TECPR2: variants seen among roughly 807,000 people sequenced by gnomAD.
TECPR2 encodes tectonin beta-propeller repeat-containing protein 2.
A neutral mutation model predicts 138.1 loss-of-function variants in TECPR2; 65 were observed. The ratio of observed to expected loss-of-function variants is 0.47; its 90% CI spans 0.39 to 0.58. The LOEUF (loss-of-function observed/expected upper bound fraction) is 0.58. TECPR2 is among the 20% of genes least tolerant of loss of function. The probability of loss-of-function intolerance (pLI) is 0.00; values close to 1 mark genes in which losing one functional copy is unlikely to be tolerated. For missense variants in TECPR2, 1,553 were observed against 1,824.5 expected (o/e 0.85, Z 2.71); for synonymous variants, 746 against 749.8 (o/e 0.99, Z 0.08).
chr14:102,394,753 A>G (rs142376148), intron 2 of TECPR2, among the ~76,000 whole-genome samples: 1 of 152,350 alleles, frequency 6.6e-6, no homozygotes, highest in African/African-American at 2.4e-5. Flanking sequence ...GGCACAGGAA[A>G]ACAAAGACAA....
chr14:102,440,561 G>A lies in TECPR2; in HGVS notation c.2704G>A (p.Asp902Asn). The A allele has an allele frequency of 2.5e-6, 4 of 1,614,180 alleles. No homozygotes were observed. Among genetic ancestry groups the A allele is most frequent in the Non-Finnish European group, 3.4e-6 (4 of 1,180,040 alleles). ...GGCAGTGTTTGTGGCCCTGAGCGAT[G>A]ACACGGCCTGGATCATCAGGACCAG... ...PQAVFVALSD[D>N]TAWIIRTSGD... is the part of the protein sequence containing the mutation. The change falls in exon 11 of 20, where the codon GAC (aspartate) becomes AAC (asparagine). Residue 902 changes from aspartate to asparagine, a missense_variant. Coordinates refer to ENST00000359520, the MANE Select transcript of TECPR2 (RefSeq NM_014844.5).
In TECPR2 at chr14:102,452,472, C is replaced by T. The variant is rs542801322; in HGVS notation, c.3485C>T (p.Thr1162Met). The T allele has an allele frequency of 5.0e-5, 80 of 1,613,596 alleles. No homozygotes were observed. The South Asian group carries it at 5.7e-4, about 12-fold the overall frequency. The change falls in exon 16 of 20, where the codon ACG becomes ATG. Residue 1162 changes from threonine (T) to methionine (M), a missense_variant. Coordinates refer to ENST00000359520, the MANE Select transcript of TECPR2 (RefSeq NM_014844.5). ...SAQSAQSRPS[T>M]VQLPPEAEMR... ...CAGAGCGCACAGTCGCGGCCCTCCA[C>T]GGTGCAGCTGCCTCCCGAAGCCGAG...
intron 2 of TECPR2, among the ~76,000 whole-genome samples, chr14:102,380,041 G>A (rs1021701349): frequency 1.4e-5 from 2 of 148,050 alleles, no homozygotes; most frequent in African/African-American, 5.1e-5. Flanking sequence ...AGGCGTCCTA[G>A]TCACACTGCT....
At chr14:102,467,848 T>C (rs1165015180) in intron 17 of TECPR2, among the ~76,000 whole-genome samples, 1 of 152,080 alleles carries the variant, frequency 6.6e-6, no homozygotes, top group African/African-American at 2.4e-5. Context: ...TTTTCTTTTT[T>C]TTTTTTATGA....
At chr14:102,399,519 C>T (rs2139683847) in intron 2 of TECPR2, among the ~76,000 whole-genome samples, 1 of 152,212 alleles carries the variant, frequency 6.6e-6, no homozygotes, top group East Asian at 1.9e-4. Context: ...TAAACAGTTA[C>T]TCAAAGCCAT....
Position 102,410,314 on chromosome 14 carries a change from C to G in TECPR2, c.480+1695C>G, listed in dbSNP as rs942510003. Among the ~76,000 whole-genome samples the G allele has an allele frequency of 3.0e-4, 42 of 140,234 alleles. 1 individual carries two copies. The highest frequency in any genetic ancestry group is 9.3e-4 in the Admixed American group (13 of 13,956). The allele number at this position is 140,234 out of a possible 152,430, so 92.0% of individuals were successfully genotyped here. A position where few individuals can be genotyped will look rare whatever the true frequency, so the allele number is the denominator to read the frequency against. On this transcript the variant is annotated intron_variant, in intron 4 of 19. Transcript: ENST00000359520. The stretch of plus-strand genomic sequence containing the variant: ...CCCTAATCTCAAGTAATCAGGGACA[C>G]AAACACTGCGGAAGGCCGCAGGGTC...
At chr14:102,396,936 A>G (rs1888331744) in intron 2 of TECPR2, among the ~76,000 whole-genome samples, 2 of 152,168 alleles carry the variant, frequency 1.3e-5, no homozygotes, top group Admixed American at 6.6e-5. Flanking sequence ...TCATTATTGC[A>G]AGTTCTTCCC....
At chr14:102,418,529 C>T (rs1342175389) in intron 5 of TECPR2, among the ~76,000 whole-genome samples, 1 of 152,190 alleles carries the variant, frequency 6.6e-6, no homozygotes, top group Admixed American at 6.5e-5. Flanking sequence ...AGGCAGAGGG[C>T]CCTGCGCACC....
intron 2 of TECPR2, among the ~76,000 whole-genome samples, chr14:102,397,500 AC>A: frequency 6.6e-6 from 1 of 152,364 alleles, no homozygotes; most frequent in South Asian, 2.1e-4. Context: ...TAAACCCAGC[AC>A]TTGGGGAGGC....
At chr14:102,412,123 C>CTTTTTTT (rs751930335) in intron 4 of TECPR2, among the ~76,000 whole-genome samples, 8 of 90,668 alleles carry the variant, frequency 8.8e-5, no homozygotes, top group Non-Finnish European at 1.2e-4. Context: ...AATGTTGACA[C>CTTTTTTT]TTTTTTTTTT....
intron 5 of TECPR2, among the ~76,000 whole-genome samples, chr14:102,421,281 C>T (rs948585984): frequency 3.3e-5 from 5 of 152,182 alleles, no homozygotes; most frequent in Non-Finnish European, 7.3e-5. Flanking sequence ...GAGGACATCT[C>T]CAGAACAAAC....
In TECPR2 at chr14:102,435,198, T is replaced by C. The variant is rs1292322392; in HGVS notation, c.2381T>C (p.Leu794Pro). The change falls in exon 9 of 20, where the codon CTC (leucine) becomes CCC (proline). Residue 794 changes from leucine (L) to proline (P), a missense_variant. Physicochemically the swap from Leu to Pro is moderately conservative, Grantham distance 98 (BLOSUM62 -3). Transcript: ENST00000359520. ...SRLGAEDAGLLKPDQFAESWM... is the reference protein window; with the variant it reads ...SRLGAEDAGLPKPDQFAESWM... Reference sequence around the variant, plus strand: ...CTGGGTGCAGAGGACGCCGGGCTGCTCAAGCCAGATCAGGTATGTGGGTTC... The same window carrying C: ...CTGGGTGCAGAGGACGCCGGGCTGCCCAAGCCAGATCAGGTATGTGGGTTC... 1 of 1,606,576 alleles carries C rather than the reference T, an allele frequency of 6.2e-7. No individual in the cohort carries two copies.
At chr14:102,433,193 T>C (rs1181447170) in intron 8 of TECPR2, among the ~76,000 whole-genome samples, 1 of 152,034 alleles carries the variant, frequency 6.6e-6, no homozygotes, top group Non-Finnish European at 1.5e-5. Flanking sequence ...CTTTTTTTTT[T>C]TCAACTTTTA....
Position 102,428,244 on chromosome 14 carries a change from T to TTTA in TECPR2, c.952-6_952-5insTTA. The TTTA allele has an allele frequency of 7.4e-7, 1 of 1,350,740 alleles. No homozygotes were observed. Among genetic ancestry groups the TTTA allele is most frequent in the Non-Finnish European group, 9.8e-7 (1 of 1,019,604 alleles). The allele number at this position is 1,350,740 out of a possible 1,614,324, so 83.7% of individuals were successfully genotyped here. A position where few individuals can be genotyped will look rare whatever the true frequency, so the allele number is the denominator to read the frequency against. Reference sequence around the variant, plus strand: ...TTTGTTTTTTTTTTTTTTTTTTTTTTGACAGGCCACAGTTGCTGGTTTGGA... The same window carrying TTTA: ...TTTGTTTTTTTTTTTTTTTTTTTTTTTTAGACAGGCCACAGTTGCTGGTTTGGA... On this transcript the variant is annotated splice_polypyrimidine_tract_variant and splice_region_variant and intron_variant, in intron 6 of 19. Transcript: ENST00000359520.
In TECPR2 at chr14:102,425,091, G is replaced by A; in HGVS notation, c.751G>A (p.Val251Ile). The A allele has an allele frequency of 1.9e-6, 3 of 1,614,158 alleles. No individual in the cohort carries two copies. Among genetic ancestry groups the A allele is most frequent in the Non-Finnish European group, 8.5e-7 (1 of 1,180,042 alleles). Residue 251 changes from valine to isoleucine, a missense_variant, in exon 6 of 20, where the codon GTT becomes ATT. Transcript: ENST00000359520. ...ATGGAAGGCTGATGTCCACGGGACT[G>A]TTCAAGCCACGTTTATCTTAAAAGA... ...RLWKADVHGT[V>I]QATFILKDAF... is the part of the protein sequence containing the mutation.
chr14:102,494,840 A>T (rs890324504), intron 17 of TECPR2, among the ~76,000 whole-genome samples: 1 of 151,460 alleles, frequency 6.6e-6, no homozygotes, highest in African/African-American at 2.4e-5. Flanking sequence ...AAAAAAAAAA[A>T]AACTAAACTA....
chr14:102,473,990 G>T (rs1248815152), intron 17 of TECPR2, among the ~76,000 whole-genome samples: 1 of 152,214 alleles, frequency 6.6e-6, no homozygotes, highest in East Asian at 1.9e-4. Flanking sequence ...GGGTGCAGTG[G>T]CTCATGCCTA....
At chr14:102,453,440 A>G (rs1176290977) in intron 16 of TECPR2, among the ~76,000 whole-genome samples, 3 of 151,874 alleles carry the variant, frequency 2.0e-5, no homozygotes, top group Non-Finnish European at 4.4e-5. Flanking sequence ...AGATCATGCC[A>G]TTGCACTCCA....
At chr14:102,411,339 C>T (rs1206077993) in intron 4 of TECPR2, among the ~76,000 whole-genome samples, 4 of 152,336 alleles carry the variant, frequency 2.6e-5, no homozygotes, top group South Asian at 2.1e-4. Flanking sequence ...GTGACTTCCA[C>T]GTACGTATAC....
Sources: gnomAD v4.1 joint callset for allele counts (sites outside exome capture counted in the v4.1 genomes callset) on GRCh38, gnomAD v4.1.1 for gene constraint, MANE v1.5 for transcripts, NCBI Gene and HGNC (gene_info 2026-07-23, HGNC 2026-07-21) for gene names.